FAT3: variants seen among roughly 807,000 people sequenced by gnomAD.
The protein encoded by FAT3 is protocadherin Fat 3.
FAT3 carries 95 observed loss-of-function variants against 310.2 expected under a neutral mutation model. The observed-to-expected ratio is 0.31, with a 90% CI of 0.26 to 0.36. FAT3 has a LOEUF of 0.36. Ranked by LOEUF, FAT3 falls within the 10% of genes least tolerant of loss-of-function variation. The pLI is 1.00. For missense variants in FAT3, 5,408 were observed against 5,715.6 expected (o/e 0.95, Z 1.74); for synonymous variants, 2,314 against 2,192.9 (o/e 1.06, Z -1.54).
Position 92,554,263 on chromosome 11 carries a change from C to T in FAT3, c.3607+29315C>T, listed in dbSNP as rs186779574. Among the ~76,000 whole-genome samples the T allele has an allele frequency of 5.5e-3, 832 of 151,720 alleles. 5 individuals are homozygous for T. The highest frequency in any genetic ancestry group is 0.019 in the African/African-American group (790 of 41,402). On this transcript the variant is annotated intron_variant, in intron 3 of 27. Coordinates refer to ENST00000525166, the MANE Select transcript of FAT3 (RefSeq NM_001367949.2). ...AGATCACAAAGTCAGGAGATCCACACCATCCTGGCTAACACGGTGAAACCC... is the reference window on the plus strand; with the variant it reads ...AGATCACAAAGTCAGGAGATCCACATCATCCTGGCTAACACGGTGAAACCC...
At chr11:92,854,015 G>A (rs1039399382) in intron 19 of FAT3, among the ~76,000 whole-genome samples, 14 of 152,076 alleles carry the variant, frequency 9.2e-5, no homozygotes, top group East Asian at 1.9e-4. Flanking sequence ...GTCATCCACC[G>A]TATCCAGGCT....
chr11:92,810,780 A>G (rs752892313), intron 13 of FAT3, among the ~76,000 whole-genome samples: 2 of 152,130 alleles, frequency 1.3e-5, no homozygotes, highest in Admixed American at 6.6e-5. Context: ...CTGAGAATGC[A>G]TAAGTTATTG....
intron 23 of FAT3, among the ~76,000 whole-genome samples, 153 bp from the exon 24 acceptor site, chr11:92,882,585 T>TCCCCCCC (rs58520864): frequency 5.2e-3 from 479 of 92,952 alleles, no homozygotes; most frequent in Non-Finnish European, 5.8e-3. Context: ...TAACTCCCCC[T>TCCCCCCC]CCCCCCCCCC....
chr11:92,873,504 G>A (rs527896636), intron 22 of FAT3, among the ~76,000 whole-genome samples: 2 of 152,320 alleles, frequency 1.3e-5, no homozygotes, highest in African/African-American at 4.8e-5. Flanking sequence ...GGCAAGCAGG[G>A]TAGAGCGTTT....
In FAT3 at chr11:92,837,667, C is replaced by T; in HGVS notation, c.10229C>T (p.Ser3410Phe). The change falls in exon 17 of 28, where the codon TCT becomes TTT. Residue 3410 changes from serine (S) to phenylalanine (F), a missense_variant. By Grantham distance (155) the Ser-to-Phe change is radical. Coordinates refer to ENST00000525166, the MANE Select transcript of FAT3 (RefSeq NM_001367949.2). ...VKKKLDRERV[S>F]GYSLLVQAVD... ...CACCTCTTTGTACCTTGGCAGGTGTCTGGATACTCTCTGCTTGTCCAGGCC... is the reference window on the plus strand; with the variant it reads ...CACCTCTTTGTACCTTGGCAGGTGTTTGGATACTCTCTGCTTGTCCAGGCC... The T allele has an allele frequency of 6.2e-7, 1 of 1,613,802 alleles. No homozygotes were observed.
At chr11:92,638,851 G>A (rs937445261) in intron 3 of FAT3, among the ~76,000 whole-genome samples, 5 of 152,076 alleles carry the variant, frequency 3.3e-5, no homozygotes, top group Non-Finnish European at 5.9e-5. Context: ...GATTGGTCTG[G>A]TAGTGATATT....
At chr11:92,234,571 T>G (rs1864331607) in intron 1 of FAT3, among the ~76,000 whole-genome samples, 1 of 151,688 alleles carries the variant, frequency 6.6e-6, no homozygotes, top group African/African-American at 2.4e-5. Context: ...GTTCGAGACC[T>G]GCCTGGCCAA....
At chr11:92,310,756 A>T (rs1947276103) in intron 1 of FAT3, among the ~76,000 whole-genome samples, 1 of 151,886 alleles carries the variant, frequency 6.6e-6, no homozygotes, top group African/African-American at 2.4e-5. Flanking sequence ...AACCTTTTTA[A>T]AGTTTCCACG....
At chr11:92,423,601 T>G (rs768316817) in intron 2 of FAT3, among the ~76,000 whole-genome samples, 1 of 152,164 alleles carries the variant, frequency 6.6e-6, no homozygotes, top group Non-Finnish European at 1.5e-5. Flanking sequence ...ACTTTGCCTG[T>G]TTTAGTCAGG....
chr11:92,497,499 T>G (rs1952800386), intron 2 of FAT3, among the ~76,000 whole-genome samples: 1 of 152,074 alleles, frequency 6.6e-6, no homozygotes, highest in Non-Finnish European at 1.5e-5. Context: ...CCTTGTGAGG[T>G]GTCATTCTCA....
intron 2 of FAT3, among the ~76,000 whole-genome samples, chr11:92,481,980 A>G (rs1452107382): frequency 6.6e-6 from 1 of 152,196 alleles, no homozygotes; most frequent in Non-Finnish European, 1.5e-5. Flanking sequence ...AATCATTTTA[A>G]TTACTTCATA....
chr11:92,483,116 C>A (rs1372438244), intron 2 of FAT3, among the ~76,000 whole-genome samples: 1 of 152,240 alleles, frequency 6.6e-6, no homozygotes, highest in East Asian at 1.9e-4. Context: ...TGGTAAAATG[C>A]ATCACAGAAA....
chr11:92,867,096 T>A lies in FAT3; in HGVS notation c.12014T>A (p.Phe4005Tyr), dbSNP rs1272800940. 14 of 1,599,244 alleles carry A rather than the reference T, an allele frequency of 8.8e-6. No individual in the cohort carries two copies. The highest frequency in any genetic ancestry group is 1.2e-5 in the Non-Finnish European group (14 of 1,173,444). The part of the protein sequence containing the change: ...ELPLQNKRSS[F>Y]AEVVGLTELK... ...CCGCTGCAGAACAAGCGCAGCAGCT[T>A]CGCGGAGGTGGTGGGCCTGACGGAG... The change falls in exon 22 of 28, where the codon TTC (phenylalanine) becomes TAC (tyrosine). Residue 4005 changes from phenylalanine (F) to tyrosine (Y), a missense_variant. By Grantham distance (22) the Phe-to-Tyr change is conservative. Coordinates refer to ENST00000525166, the MANE Select transcript of FAT3 (RefSeq NM_001367949.2).
At chr11:92,338,264 T>C (rs1948145083) in intron 1 of FAT3, among the ~76,000 whole-genome samples, 1 of 152,166 alleles carries the variant, frequency 6.6e-6, no homozygotes, top group African/African-American at 2.4e-5. Flanking sequence ...ACATGTACAC[T>C]TGGTTTTTAA....
At chr11:92,573,134 A>G (rs1212608332) in intron 3 of FAT3, among the ~76,000 whole-genome samples, 2 of 152,192 alleles carry the variant, frequency 1.3e-5, no homozygotes, top group African/African-American at 4.8e-5. Flanking sequence ...TGCTATCAGG[A>G]CAGCAATGAG....
At chr11:92,473,264 G>T (rs1951957176) in intron 2 of FAT3, among the ~76,000 whole-genome samples, 1 of 152,142 alleles carries the variant, frequency 6.6e-6, no homozygotes, top group Non-Finnish European at 1.5e-5. Context: ...CAGGCACTCA[G>T]TAAATGTTTG....
chr11:92,553,436 G>A (rs1416053610), intron 3 of FAT3, among the ~76,000 whole-genome samples: 1 of 152,208 alleles, frequency 6.6e-6, no homozygotes, highest in Non-Finnish European at 1.5e-5. Context: ...TTGGAGGGCT[G>A]TTTCTTCCAG....
chr11:92,485,381 A>G (rs777714139), intron 2 of FAT3, among the ~76,000 whole-genome samples: 10 of 152,198 alleles, frequency 6.6e-5, no homozygotes, highest in Non-Finnish European at 1.3e-4. Context: ...AAGTGCCCCA[A>G]GCGCCCTGAA....
In FAT3 at chr11:92,630,981, A is replaced by G. The variant is rs145323130; in HGVS notation, c.3608-66403A>G. Among the ~76,000 whole-genome samples, 1,040 of 152,336 alleles carry G rather than the reference A, an allele frequency of 6.8e-3. 11 individuals are homozygous for G. Among genetic ancestry groups the G allele is most frequent in the African/African-American group, 0.024 (983 of 41,574 alleles). On this transcript the variant is annotated intron_variant, in intron 3 of 27. Coordinates refer to ENST00000525166, the MANE Select transcript of FAT3 (RefSeq NM_001367949.2). ...TATTTACAAATACAACATATAAAGC[A>G]GTGAGCTTAAGGGCTAACATGTTTA...
Sources: gnomAD v4.1 joint callset for allele counts (sites outside exome capture counted in the v4.1 genomes callset) on GRCh38, gnomAD v4.1.1 for gene constraint, MANE v1.5 for transcripts, NCBI Gene and HGNC (gene_info 2026-07-23, HGNC 2026-07-21) for gene names.